SLC16A5: variants seen among roughly 807,000 people sequenced by gnomAD.
SLC16A5 encodes solute carrier family 16 member 5.
In SLC16A5, 29 loss-of-function variants were observed where a neutral mutation model predicts 33.2. The observed-to-expected ratio is 0.87, with a 90% CI of 0.65 to 1.19. The LOEUF (loss-of-function observed/expected upper bound fraction) is 1.19. Ranked by LOEUF, SLC16A5 falls within the 50% of genes most tolerant of loss-of-function variation. The pLI is 0.00. For synonymous variants in SLC16A5, 248 were observed against 284.1 expected (o/e 0.87, Z 1.28); for missense variants, 606 against 678.2 (o/e 0.89, Z 1.18).
intron 5 of SLC16A5, 46 bp from the exon 6 acceptor site, chr17:75,103,924 G>A (rs568080476): frequency 3.9e-6 from 6 of 1,552,512 alleles, no homozygotes; most frequent in South Asian, 2.2e-5. Flanking sequence ...AGCTGAGTTG[G>A]GGGGAGGCCT....
chr17:75,099,896 G>A, intron 4 of SLC16A5, 111 bp from the exon 5 acceptor site: 1 of 1,029,352 alleles, frequency 9.7e-7, no homozygotes, highest in South Asian at 1.6e-5. Context: ...AGCTGGGTAT[G>A]GACTAGAACC....
At chr17:75,090,896 A>G (rs117844704) in intron 2 of SLC16A5, among the ~76,000 whole-genome samples, 5 of 152,182 alleles carry the variant, frequency 3.3e-5, no homozygotes, top group African/African-American at 1.2e-4. Context: ...TTCAGAGTGA[A>G]GGTCACAGGA....
chr17:75,104,233 G>C (rs2073835967), intron 6 of SLC16A5, 53 bp downstream of exon 6: 1 of 1,592,316 alleles, frequency 6.3e-7, no homozygotes, highest in Non-Finnish European at 8.6e-7. Context: ...CAGTGTCTGA[G>C]TCCTGGGATC....
chr17:75,109,854 C>A (rs550858977), downstream of SLC16A5: 382 of 196,650 alleles, frequency 1.9e-3, 1 homozygote, highest in Middle Eastern at 0.035. The surrounding 1 kb of genome is among the most constrained non-coding windows in gnomAD (Gnocchi z 5.0). Context: ...CCAGCACAGG[C>A]TAAAGAGCTT....
chr17:75,109,958 G>GCCGGGAGCCCGGAACCGAGC (rs1228665242), downstream of SLC16A5: 1 of 275,182 alleles, frequency 3.6e-6, no homozygotes, highest in Non-Finnish European at 6.9e-6. This position sits in a 1 kb window ranked among gnomAD's most constrained non-coding sequence, Gnocchi z 5.0. Context: ...CGCGGCTTCC[G>GCCGGGAGCCCGGAACCGAGC]CCGGGAGCCC....
At chr17:75,097,964 C>T in intron 3 of SLC16A5, 74 bp from the exon 4 acceptor site, 1 of 1,495,756 alleles carries the variant, frequency 6.7e-7, no homozygotes, top group Non-Finnish European at 8.9e-7. Flanking sequence ...CTGGAACTGC[C>T]CTCTCCAGCC....
chr17:75,095,434 A>C (rs1433154687), intron 3 of SLC16A5, among the ~76,000 whole-genome samples: 3 of 152,194 alleles, frequency 2.0e-5, no homozygotes, highest in African/African-American at 7.2e-5. Context: ...TCTCATGTAC[A>C]CATACACGTG....
chr17:75,095,142 C>G (rs1042906611), intron 3 of SLC16A5, among the ~76,000 whole-genome samples: 4 of 152,254 alleles, frequency 2.6e-5, no homozygotes, highest in African/African-American at 9.6e-5. Context: ...GCCTATTATT[C>G]CAGGTCCTGC....
rs2145054089 is a variant in SLC16A5, at chr17:75,100,599, C to T, written c.936C>T (p.Leu312=). 1 of 1,614,250 alleles carries T rather than the reference C, an allele frequency of 6.2e-7. No individual in the cohort carries two copies. The highest frequency in any genetic ancestry group is 1.7e-5 in the Admixed American group (1 of 60,030). Residue 312 remains leucine (L), a synonymous_variant, in exon 5 of 7, where the codon CTC becomes CTT. Coordinates refer to ENST00000329783, the MANE Select transcript of SLC16A5 (RefSeq NM_004695.4). The part of the protein sequence containing the change: ...SHRKYLFSLA[L]LLNGLTNLVC... Reference sequence around the variant, plus strand: ...GCAAGTACCTGTTCAGCCTGGCACTCCTGCTCAATGGGCTCACTAACCTGG... The same window carrying T: ...GCAAGTACCTGTTCAGCCTGGCACTTCTGCTCAATGGGCTCACTAACCTGG...
downstream of SLC16A5, among the ~76,000 whole-genome samples, chr17:75,107,953 A>T (rs988007174): frequency 2.7e-5 from 4 of 147,456 alleles, no homozygotes; most frequent in African/African-American, 1.0e-4. Flanking sequence ...AAAATACAAA[A>T]ATTAGCTGGG....
chr17:75,091,691 C>G (rs991896669), intron 2 of SLC16A5, among the ~76,000 whole-genome samples: 1 of 152,122 alleles, frequency 6.6e-6, no homozygotes, highest in Admixed American at 6.5e-5. Context: ...GGTAGATGTC[C>G]GAGTTTCCCC....
intron 5 of SLC16A5, among the ~76,000 whole-genome samples, chr17:75,103,566 G>C (rs1159425615): frequency 6.6e-6 from 1 of 151,878 alleles, no homozygotes; most frequent in Non-Finnish European, 1.5e-5. Context: ...CTGACCTTGT[G>C]ATCTACCCAC....
intron 3 of SLC16A5, among the ~76,000 whole-genome samples, chr17:75,095,957 A>T (rs953150756): frequency 6.6e-6 from 1 of 151,462 alleles, no homozygotes; most frequent in East Asian, 1.9e-4. Flanking sequence ...CCACGCCCAG[A>T]CCATACCCAG....
intron 5 of SLC16A5, among the ~76,000 whole-genome samples, chr17:75,103,523 T>G (rs2073825799): frequency 6.6e-6 from 1 of 151,486 alleles, no homozygotes; most frequent in African/African-American, 2.4e-5. Flanking sequence ...AGGAACAGGG[T>G]TTCACCATCT....
At chr17:75,092,705 A>AGTGTGTGTCTCTGTGTGTGTGC (rs1335415230) in intron 2 of SLC16A5, among the ~76,000 whole-genome samples, 9 of 150,234 alleles carry the variant, frequency 6.0e-5, no homozygotes, top group Admixed American at 2.6e-4. Flanking sequence ...TGACTATCCA[A>AGTGTGTGTCTCTGTGTGTGTGC]GTGTGTGTCT....
At chr17:75,104,833 C>T (rs933425840) in intron 6 of SLC16A5, 5 of 985,288 alleles carry the variant, frequency 5.1e-6, no homozygotes, top group African/African-American at 3.5e-5. Context: ...TACTCGGGGC[C>T]CAGGAACCTG....
intron 2 of SLC16A5, chr17:75,090,321 C>CA (rs994731832): frequency 1.3e-5 from 2 of 152,270 alleles, no homozygotes; most frequent in Non-Finnish European, 2.9e-5. Flanking sequence ...GCCGACTGGG[C>CA]ATCCATACCG....
At chr17:75,093,391 G>A (rs1198154877) in intron 2 of SLC16A5, 198 bp from the exon 3 acceptor site, 22 of 1,535,382 alleles carry the variant, frequency 1.4e-5, no homozygotes, top group Admixed American at 2.0e-5. Context: ...TGCCAGGCTG[G>A]CTCTGGGAAG....
At chr17:75,098,303 C>A (rs1305153596) in intron 4 of SLC16A5, 122 bp downstream of exon 4, 1 of 1,318,418 alleles carries the variant, frequency 7.6e-7, no homozygotes, top group South Asian at 1.3e-5. Context: ...TGGCTCACAC[C>A]TGTTATCCCA....
Sources: allele counts gnomAD v4.1 joint callset (sites outside exome capture counted in the v4.1 genomes callset), GRCh38; gene constraint gnomAD v4.1.1; non-coding constraint Gnocchi (gnomAD v3.1); transcripts MANE v1.5; gene names NCBI Gene and HGNC (gene_info 2026-07-23, HGNC 2026-07-21).